Variants in TULP1 observed in about 807,000 individuals in gnomAD.
TULP1 encodes tubby-related protein 1.
In TULP1, 50 loss-of-function variants were observed where a neutral mutation model predicts 67.1. That is an observed-to-expected ratio of 0.75 (90% CI 0.59 to 0.94). The LOEUF (loss-of-function observed/expected upper bound fraction) is 0.94, where lower values mean the gene tolerates loss of function less well. Among genes scored for constraint, TULP1 ranks in the 40% least tolerant of loss-of-function variants. The pLI is 0.00. For synonymous variants in TULP1, 297 were observed against 294.0 expected (o/e 1.01, Z -0.11); for missense variants, 746 against 734.1 (o/e 1.02, Z -0.19).
In TULP1 at chr6:35,499,577, C is replaced by T. The variant is rs1768783354; in HGVS notation, c.1495+404G>A. Among the ~76,000 whole-genome samples the T allele has an allele frequency of 2.6e-5, 4 of 152,194 alleles. No homozygotes were observed. In the South Asian group the frequency reaches 8.3e-4, roughly 32 times the overall value. ...TAAATTTCGAGGGCCAGTGTAACTT[C>T]CTGAAGTTGCTGAGAGACTCTGGGC... is the stretch of plus-strand genomic sequence containing the variant. On this transcript the variant is annotated intron_variant, in intron 14 of 14. Coordinates refer to ENST00000229771, the MANE Select transcript of TULP1 (RefSeq NM_003322.6).
At chr6:35,510,269 A>G (rs1016029913) in intron 5 of TULP1, among the ~76,000 whole-genome samples, 1 of 152,156 alleles carries the variant, frequency 6.6e-6, no homozygotes, top group Admixed American at 6.5e-5. Flanking sequence ...CCTGAGGCCA[A>G]AAAAGCTCTG....
At position 35,505,770 on chromosome 6, in the gene TULP1, T is replaced by A; in HGVS notation, c.1083A>T (p.Arg361=). The A allele has an allele frequency of 1.2e-6, 2 of 1,614,064 alleles. No homozygotes were observed. Among genetic ancestry groups the A allele is most frequent in the Non-Finnish European group, 1.7e-6 (2 of 1,180,024 alleles). ...LISIDPTNLS[R]GGENFIGKLR... ...GCTTCCCGATGAAATTCTCCCCTCCTCGGGACAGATTGGTAGGGTCGATGG... is the reference window on the plus strand; with the variant it reads ...GCTTCCCGATGAAATTCTCCCCTCCACGGGACAGATTGGTAGGGTCGATGG... Residue 361 remains arginine, a synonymous_variant, in exon 11 of 15, where the codon CGA becomes CGT. Transcript: ENST00000229771.
intron 13 of TULP1, 59 bp from the exon 14 acceptor site, chr6:35,500,211 C>T: frequency 6.3e-7 from 1 of 1,590,298 alleles, no homozygotes; most frequent in Non-Finnish European, 8.6e-7. Context: ...TGAGATGGCT[C>T]AGGACTGACC....
chr6:35,505,458 G>A (rs893898774), intron 11 of TULP1: 16 of 720,558 alleles, frequency 2.2e-5, no homozygotes, highest in Non-Finnish European at 3.2e-5. Context: ...TGCCCTCGTG[G>A]AACTTATGCC....
intron 13 of TULP1, among the ~76,000 whole-genome samples, chr6:35,502,113 T>C (rs1760978580): frequency 6.6e-6 from 1 of 152,208 alleles, no homozygotes. Context: ...ATATTTAATA[T>C]TGAGACTTAC....
chr6:35,512,259 C>T lies in TULP1; in HGVS notation c.111G>A (p.Pro37=), dbSNP rs927452230. 1.2e-5 allele frequency: 17 copies of T among 1,401,092 alleles called. No homozygotes were observed. Among genetic ancestry groups the T allele is most frequent in the Non-Finnish European group, 1.5e-5 (16 of 1,076,774 alleles). The allele number at this position is 1,401,092 out of a possible 1,614,324, so 86.8% of individuals were successfully genotyped here. ...APRRPKQRPA[P]AQRLRKKRTE... ...TCCTCTTCTTCCTTAGCCTCTGTGC[C>T]GGGGCGGGTCGCTGCGGAACGGGGG... is the stretch of plus-strand genomic sequence containing the variant. The change falls in exon 3 of 15, where the codon CCG becomes CCA. Residue 37 remains proline, a synonymous_variant. Transcript: ENST00000229771.
intron 11 of TULP1, among the ~76,000 whole-genome samples, chr6:35,504,562 T>C (rs1419427358): frequency 2.0e-5 from 3 of 152,036 alleles, no homozygotes; most frequent in Non-Finnish European, 4.4e-5. Flanking sequence ...AGTGACTTTT[T>C]TTTTCTTTAT....
At chr6:35,512,452 C>T (rs1331415866) in intron 2 of TULP1, among the ~76,000 whole-genome samples, 182 bp from the exon 3 acceptor site, 1 of 152,068 alleles carries the variant, frequency 6.6e-6, no homozygotes, top group African/African-American at 2.4e-5. Context: ...TCCAATGCTC[C>T]AAAGTCCCTA....
At position 35,504,022 on chromosome 6, in the gene TULP1, A is replaced by C. The variant is rs142715099; in HGVS notation, c.1113-174T>G. 2.1e-5 allele frequency: 12 copies of C among 583,818 alleles called. No individual in the cohort carries two copies. The African/African-American group carries it at 2.2e-4, about 11-fold the overall frequency. 36.2% of individuals were successfully genotyped at this position (583,818 alleles called of 1,614,324 possible). On this transcript the variant is annotated intron_variant, in intron 11 of 14. Transcript: ENST00000229771. ...TCCCCCTATGCAGAGGTCTTTTTAA[A>C]TGCTGGCCCAACCCAGGGCATGGTG...
chr6:35,507,030 T>G (rs556973290), intron 8 of TULP1, among the ~76,000 whole-genome samples: 10 of 152,200 alleles, frequency 6.6e-5, no homozygotes, highest in African/African-American at 2.2e-4. Context: ...TGTGCCTTTG[T>G]GTAGTCTCCT....
At chr6:35,508,023 T>C (rs1761118971) in intron 8 of TULP1, among the ~76,000 whole-genome samples, 1 of 152,152 alleles carries the variant, frequency 6.6e-6, no homozygotes, top group Non-Finnish European at 1.5e-5. Flanking sequence ...CCATCTCTAC[T>C]ATTCGCCAGG....
intron 11 of TULP1, 163 bp downstream of exon 11, chr6:35,505,578 C>T (rs1419134958): frequency 3.9e-6 from 6 of 1,527,548 alleles, no homozygotes; most frequent in East Asian, 5.0e-5. Flanking sequence ...TTAACAAGCT[C>T]CCCACATGAT....
rs770678514 is a variant in TULP1, at chr6:35,509,318, C to T, written c.719-6G>A. 16 of 1,613,740 alleles carry T rather than the reference C, an allele frequency of 9.9e-6. No individual in the cohort carries two copies. In the East Asian group the frequency reaches 1.3e-4, roughly 13 times the overall value. The stretch of plus-strand genomic sequence containing the variant: ...CCTCGCGCCTTTGGGAGTGCCTGAG[C>T]GTGGAGGGGGAAACAAGGCTGTGAA... On this transcript the variant is annotated splice_region_variant and splice_polypyrimidine_tract_variant and intron_variant, in intron 7 of 14. Coordinates refer to ENST00000229771, the MANE Select transcript of TULP1 (RefSeq NM_003322.6).
intron 2 of TULP1, 107 bp from the exon 3 acceptor site, chr6:35,512,377 G>C: frequency 1.5e-6 from 1 of 687,980 alleles, no homozygotes; most frequent in Non-Finnish European, 2.4e-6. Context: ...CAGATTATCC[G>C]GGGGGAACTG....
At chr6:35,509,507 C>A (rs955452830) in intron 7 of TULP1, 127 bp downstream of exon 7, 2 of 1,117,992 alleles carry the variant, frequency 1.8e-6, no homozygotes, top group Non-Finnish European at 2.7e-6. Context: ...ATGCCCTGCA[C>A]GTTGTCTGAC....
chr6:35,511,621 A>G, intron 4 of TULP1, 27 bp downstream of exon 4: 1 of 1,578,990 alleles, frequency 6.3e-7, no homozygotes, highest in Non-Finnish European at 8.6e-7. Context: ...CCGCCCCCTC[A>G]CCCGCGTCCC....
intron 11 of TULP1, among the ~76,000 whole-genome samples, chr6:35,505,140 T>C (rs528304293): frequency 8.3e-4 from 126 of 152,186 alleles, no homozygotes; most frequent in African/African-American, 2.9e-3. Context: ...TTTCACCATG[T>C]TGGCCAGGCT....
At chr6:35,501,058 G>A (rs1377785610) in intron 13 of TULP1, among the ~76,000 whole-genome samples, 1 of 152,160 alleles carries the variant, frequency 6.6e-6, no homozygotes, top group African/African-American at 2.4e-5. Flanking sequence ...TCTCCTGTGA[G>A]GATGGGGCAT....
Position 35,508,772 on chromosome 6 carries a change from G to T in TULP1, c.822+437C>A, listed in dbSNP as rs887263333. ...TGTTTAGTTGCTGGGAGGTTGGGAG[G>T]TCCTGGGTAAGGTGAGTGAAAGCGC... On this transcript the variant is annotated intron_variant, in intron 8 of 14. Transcript: ENST00000229771. Among the ~76,000 whole-genome samples, 11 of 152,186 alleles carry T rather than the reference G, an allele frequency of 7.2e-5. No individual in the cohort carries two copies. The South Asian group carries it at 2.1e-3, about 29-fold the overall frequency.
Sources: gnomAD v4.1 joint callset for allele counts (sites outside exome capture counted in the v4.1 genomes callset) on GRCh38, gnomAD v4.1.1 for gene constraint, MANE v1.5 for transcripts, NCBI Gene and HGNC (gene_info 2026-07-23, HGNC 2026-07-21) for gene names.